CA13: variants seen among roughly 807,000 people sequenced by gnomAD.
The protein encoded by CA13 is CA-XIII.
In CA13, 21 loss-of-function variants were observed where a neutral mutation model predicts 31.5. The ratio of observed to expected loss-of-function variants is 0.67; its 90% CI spans 0.47 to 0.96. The LOEUF is 0.96. Among genes scored for constraint, CA13 ranks in the 40% least tolerant of loss-of-function variants. The pLI is 0.00. For missense variants in CA13, 315 were observed against 318.9 expected (o/e 0.99, Z 0.09); for synonymous variants, 117 against 111.4 (o/e 1.05, Z -0.32).
intron 6 of CA13, among the ~76,000 whole-genome samples, chr8:85,270,293 G>A (rs1342692704): frequency 1.3e-5 from 2 of 151,988 alleles, no homozygotes; most frequent in African/African-American, 4.8e-5. Context: ...CACCTTTACC[G>A]AGATCATTTC....
chr8:85,246,459 A>C, intron 1 of CA13: 1 of 456,068 alleles, frequency 2.2e-6, no homozygotes, highest in Non-Finnish European at 4.4e-6. Flanking sequence ...GACTTTAGTA[A>C]GGGTTCAGGT....
chr8:85,258,424 TG>T (rs570949312), intron 2 of CA13, among the ~76,000 whole-genome samples: 24 of 152,304 alleles, frequency 1.6e-4, no homozygotes, highest in African/African-American at 5.5e-4. Flanking sequence ...AAATTATTTT[TG>T]TCCTATATTT....
chr8:85,250,678 A>G (rs1028533209), intron 1 of CA13, 62 bp from the exon 2 acceptor site: 7 of 1,034,996 alleles, frequency 6.8e-6, no homozygotes, highest in Middle Eastern at 2.2e-4. Flanking sequence ...GTTATACTCA[A>G]TGTATGTTTG....
chr8:85,248,092 T>C (rs1248933826), intron 1 of CA13, among the ~76,000 whole-genome samples: 1 of 152,194 alleles, frequency 6.6e-6, no homozygotes, highest in Admixed American at 6.5e-5. Context: ...GTGACATCAC[T>C]GAAAAGTGTA....
At chr8:85,272,611 T>G (rs1199359665) in intron 6 of CA13, among the ~76,000 whole-genome samples, 1 of 152,190 alleles carries the variant, frequency 6.6e-6, no homozygotes, top group African/African-American at 2.4e-5. Flanking sequence ...TATATTATAT[T>G]TTTAAAAAAT....
At chr8:85,261,741 A>G (rs1807383417) in intron 3 of CA13, among the ~76,000 whole-genome samples, 2 of 152,114 alleles carry the variant, frequency 1.3e-5, no homozygotes, top group African/African-American at 4.8e-5. Context: ...ATATATATAT[A>G]TATGTTTGTT....
intron 2 of CA13, among the ~76,000 whole-genome samples, chr8:85,253,677 C>T (rs1366137966): frequency 6.6e-6 from 1 of 152,128 alleles, no homozygotes. Flanking sequence ...ACATGTTCAA[C>T]TATATTTCTT....
Position 85,259,504 on chromosome 8 carries a change from G to A in CA13, c.319G>A (p.Glu107Lys), listed in dbSNP as rs762484348. The change falls in exon 3 of 7, where the codon GAG becomes AAG. Residue 107 changes from glutamate (E) to lysine (K), a missense_variant. Coordinates refer to ENST00000321764, the MANE Select transcript of CA13 (RefSeq NM_198584.3). ...HWGSADDHGS[E>K]HIVDGVSYAA... Reference sequence around the variant, plus strand: ...GGGGTCCGCTGATGACCACGGCTCCGAGCACATAGTAGATGGAGTGAGCTA... The same window carrying A: ...GGGGTCCGCTGATGACCACGGCTCCAAGCACATAGTAGATGGAGTGAGCTA... 1.3e-5 allele frequency: 21 copies of A among 1,613,864 alleles called. No homozygotes were observed. The highest frequency in any genetic ancestry group is 3.3e-5 in the South Asian group (3 of 91,078).
In CA13 at chr8:85,260,258, A is replaced by C. The variant is rs535048632; in HGVS notation, c.354+719A>C. Among the ~76,000 whole-genome samples, 3 of 152,348 alleles carry C rather than the reference A, an allele frequency of 2.0e-5. No homozygotes were observed. The South Asian group carries it at 6.2e-4, about 32-fold the overall frequency. On this transcript the variant is annotated intron_variant, in intron 3 of 6. Transcript: ENST00000321764. ...TAATCCTTTGGTTAAAGAACAAAGC[A>C]TAATAAGCTTCAAGTTTAATATGAT...
intron 3 of CA13, among the ~76,000 whole-genome samples, chr8:85,260,557 T>A (rs6993387): frequency 0.74 from 112,615 of 152,102 alleles, 42,462 homozygotes; most frequent in African/African-American, 0.85. Context: ...CTTTCAGGTT[T>A]TCATCTGAAA....
In CA13 at chr8:85,266,898, T is replaced by C. The variant is rs117003757; in HGVS notation, c.450+195T>C. Among the ~76,000 whole-genome samples, 15 of 152,340 alleles carry C rather than the reference T, an allele frequency of 9.8e-5. No homozygotes were observed. The East Asian group carries it at 2.3e-3, about 24-fold the overall frequency. On this transcript the variant is annotated intron_variant, in intron 4 of 6. Coordinates refer to ENST00000321764, the MANE Select transcript of CA13 (RefSeq NM_198584.3). ...TATAAGTCTTCTTATTGTCCATTGA[T>C]CATTTTTATGTGAATAACAATAGCA...
Position 85,281,858 on chromosome 8 carries a change from A to C in CA13, c.*509A>C, listed in dbSNP as rs1249320612. The C allele has an allele frequency of 6.6e-6, 1 of 152,488 alleles. No individual in the cohort carries two copies. The highest frequency in any genetic ancestry group is 1.5e-5 in the Non-Finnish European group (1 of 68,340). The allele number at this position is 152,488 out of a possible 1,614,324, so 9.4% of individuals were successfully genotyped here. On this transcript the variant is annotated 3_prime_UTR_variant, in exon 7 of 7. Transcript: ENST00000321764. The stretch of plus-strand genomic sequence containing the variant: ...ACTAACTTATCTGTCTCTTATTTGC[A>C]CTCATGGATATTCACAGTAAGCATT...
intron 6 of CA13, 67 bp downstream of exon 6, chr8:85,268,694 T>C (rs951129339): frequency 1.8e-5 from 22 of 1,226,442 alleles, no homozygotes; most frequent in Admixed American, 9.8e-5. Context: ...TTTTTTTTTT[T>C]CAACCCTGCC....
chr8:85,246,732 C>T (rs767474114), intron 1 of CA13, among the ~76,000 whole-genome samples: 5 of 152,066 alleles, frequency 3.3e-5, no homozygotes, highest in African/African-American at 4.8e-5. Flanking sequence ...CACCAAAAAG[C>T]CTTATAGTGA....
chr8:85,268,323 A>T lies in CA13; in HGVS notation c.514-149A>T, dbSNP rs2129987603. The T allele has an allele frequency of 4.4e-6, 3 of 689,012 alleles. No individual in the cohort carries two copies. In the South Asian group the frequency reaches 7.0e-5, roughly 16 times the overall value. 42.7% of individuals were successfully genotyped at this position (689,012 alleles called of 1,614,324 possible). On this transcript the variant is annotated intron_variant, in intron 5 of 6. Transcript: ENST00000321764. ...TTTTAAGATGTAGATGCTTTTTTAA[A>T]GATACTAAAGGAAGATATTACATAA...
chr8:85,276,459 C>G (rs7815205), intron 6 of CA13, among the ~76,000 whole-genome samples: 1 of 152,224 alleles, frequency 6.6e-6, no homozygotes, highest in African/African-American at 2.4e-5. Context: ...AGCCCTGGTG[C>G]GAGATCCACT....
Position 85,259,455 on chromosome 8 carries a change from G to C in CA13, c.270G>C (p.Arg90Ser). 1 of 1,614,064 alleles carries C rather than the reference G, an allele frequency of 6.2e-7. No homozygotes were observed. The highest frequency in any genetic ancestry group is 8.5e-7 in the Non-Finnish European group (1 of 1,179,988). Residue 90 changes from arginine (R) to serine (S), a missense_variant, in exon 3 of 7, where the codon AGG becomes AGC. Physicochemically the swap from Arg to Ser is moderately radical, Grantham distance 110. Transcript: ENST00000321764. ...LRGGPLTGSY[R>S]LRQVHLHWGS... ...GTGGTCCTCTCACTGGAAGCTACAG[G>C]TTACGGCAGGTTCACCTTCACTGGG... is the stretch of plus-strand genomic sequence containing the variant.
In CA13 at chr8:85,268,332, AG is replaced by A. The variant is rs1807483033; in HGVS notation, c.514-138del. 3 of 737,234 alleles carry A rather than the reference AG, an allele frequency of 4.1e-6. No homozygotes were observed. In the East Asian group the frequency reaches 7.7e-5, roughly 19 times the overall value. 45.7% of individuals were successfully genotyped at this position (737,234 alleles called of 1,614,324 possible). ...GTAGATGCTTTTTTAAAGATACTAA[AG>A]GAAGATATTACATAATTCTAGATGC... is the stretch of plus-strand genomic sequence containing the variant. On this transcript the variant is annotated intron_variant, in intron 5 of 6. Coordinates refer to ENST00000321764, the MANE Select transcript of CA13 (RefSeq NM_198584.3).
intron 6 of CA13, among the ~76,000 whole-genome samples, chr8:85,272,860 C>T (rs1036178553): frequency 3.3e-5 from 5 of 152,124 alleles, no homozygotes; most frequent in African/African-American, 9.7e-5. Flanking sequence ...CTTTGTTGCC[C>T]AGGCTGGAGT....
Sources: gnomAD v4.1 joint callset for allele counts (sites outside exome capture counted in the v4.1 genomes callset) on GRCh38, gnomAD v4.1.1 for gene constraint, MANE v1.5 for transcripts, NCBI Gene and HGNC (gene_info 2026-07-23, HGNC 2026-07-21) for gene names.